Variants in PXDN observed in about 807,000 individuals in gnomAD.
The protein encoded by PXDN is peroxidasin homolog.
A neutral mutation model predicts 140.3 loss-of-function variants in PXDN; 77 were observed. The observed-to-expected ratio is 0.55, with a 90% CI of 0.46 to 0.66. The LOEUF (loss-of-function observed/expected upper bound fraction) is 0.66. Ranked by LOEUF, PXDN falls within the 30% of genes least tolerant of loss-of-function variation. The pLI is 0.00. For missense variants in PXDN, 1,838 were observed against 2,039.5 expected (o/e 0.90, Z 1.90); for synonymous variants, 911 against 857.4 (o/e 1.06, Z -1.09).
intron 1 of PXDN, among the ~76,000 whole-genome samples, chr2:1,742,126 T>C (rs1463951834): frequency 6.6e-6 from 1 of 152,252 alleles, no homozygotes; most frequent in Non-Finnish European, 1.5e-5. Flanking sequence ...GACTCCATTC[T>C]GGCCACCAGC....
Position 1,638,937 on chromosome 2 carries a change from G to T in PXDN, c.4115C>A (p.Ala1372Asp). ...QGEHLSNSTSAFSTRSDASGT... is the reference protein window; with the variant it reads ...QGEHLSNSTSDFSTRSDASGT... The stretch of plus-strand genomic sequence containing the variant: ...AGATGCATCTGAGCGTGTGCTGAAG[G>T]CTGAGGTGCTGTTGCTGAGATGTTC... Residue 1372 changes from alanine (A) to aspartate (D), a missense_variant, in exon 21 of 23, where the codon GCC becomes GAC. Physicochemically the swap from Ala to Asp is moderately radical, Grantham distance 126 (BLOSUM62 -2). Coordinates refer to ENST00000252804, the MANE Select transcript of PXDN (RefSeq NM_012293.3). 1 of 1,613,986 alleles carries T rather than the reference G, an allele frequency of 6.2e-7. No individual in the cohort carries two copies. Among genetic ancestry groups the T allele is most frequent in the East Asian group, 2.2e-5 (1 of 44,882 alleles).
intron 1 of PXDN, among the ~76,000 whole-genome samples, chr2:1,713,717 T>C (rs1014527908): frequency 6.6e-6 from 1 of 152,176 alleles, no homozygotes; most frequent in African/African-American, 2.4e-5. Context: ...CTCCGGAGCA[T>C]GGGGGCACAG....
At chr2:1,674,277 A>G (rs564045117) in intron 8 of PXDN, among the ~76,000 whole-genome samples, 5 of 151,420 alleles carry the variant, frequency 3.3e-5, no homozygotes, top group Non-Finnish European at 7.3e-5. Context: ...CGGTATAACC[A>G]TTGCTCACTG....
chr2:1,642,621 AT>A (rs1682754402), intron 19 of PXDN, among the ~76,000 whole-genome samples: 1 of 152,176 alleles, frequency 6.6e-6, no homozygotes, highest in African/African-American at 2.4e-5. Flanking sequence ...CCAGTTTGGT[AT>A]TTTATGGGGA....
intron 6 of PXDN, 114 bp from the exon 7 acceptor site, chr2:1,680,476 CTTGCG>C: frequency 3.1e-6 from 4 of 1,306,552 alleles, no homozygotes; most frequent in Non-Finnish European, 4.3e-6. Flanking sequence ...GCCTGCCAGG[CTTGCG>C]ACATGGGGAT....
Position 1,687,464 on chromosome 2 carries a change from A to C in PXDN, c.416+168T>G, listed in dbSNP as rs1409308383. Among the ~76,000 whole-genome samples the C allele has an allele frequency of 3.3e-5, 5 of 152,198 alleles. No homozygotes were observed. Among genetic ancestry groups the C allele is most frequent in the Non-Finnish European group, 7.3e-5 (5 of 68,036 alleles). ...CTGGGTGGAAGGCGGGGCGGAGGGC[A>C]AATGACTCGCCCATCCCTGTTTTTC... On this transcript the variant is annotated intron_variant, in intron 4 of 22. Transcript: ENST00000252804. This position sits in a 1 kb window ranked among gnomAD's most constrained non-coding sequence, Gnocchi z 4.0.
Position 1,639,254 on chromosome 2 carries a change from G to T in PXDN, c.4073+48C>A, listed in dbSNP as rs143217094. The T allele has an allele frequency of 6.3e-7, 1 of 1,580,576 alleles. No individual in the cohort carries two copies. The highest frequency in any genetic ancestry group is 8.6e-7 in the Non-Finnish European group (1 of 1,162,876). On this transcript the variant is annotated intron_variant, in intron 20 of 22. Coordinates refer to ENST00000252804, the MANE Select transcript of PXDN (RefSeq NM_012293.3). This position sits in a 1 kb window ranked among gnomAD's most constrained non-coding sequence, Gnocchi z 5.0. ...GCCGGTCCTACTGCCCGACGCCCGC[G>T]GTGCGAGGGCCCCTCTGCACATCAT...
intron 1 of PXDN, among the ~76,000 whole-genome samples, chr2:1,728,665 C>T (rs1007334649): frequency 1.9e-4 from 29 of 152,270 alleles, no homozygotes; most frequent in Non-Finnish European, 3.5e-4. Flanking sequence ...TAAAACGGCC[C>T]CAAAGCACAG....
intron 19 of PXDN, among the ~76,000 whole-genome samples, chr2:1,641,324 G>T (rs1367133267): frequency 6.6e-6 from 1 of 151,996 alleles, no homozygotes; most frequent in East Asian, 1.9e-4. Context: ...GCTAATTTTT[G>T]TATTTTTGTA....
intron 1 of PXDN, among the ~76,000 whole-genome samples, chr2:1,740,700 C>T (rs1291013321): frequency 1.3e-5 from 2 of 152,206 alleles, no homozygotes; most frequent in East Asian, 3.9e-4. Flanking sequence ...AGCCCCCTGA[C>T]TCTCTGGGGG....
rs548513750 is a variant in PXDN, at chr2:1,663,721, G to A, written c.1451C>T (p.Ser484Leu). 4.3e-6 allele frequency: 7 copies of A among 1,613,630 alleles called. 1 individual carries two copies. The highest frequency in any genetic ancestry group is 5.9e-6 in the Non-Finnish European group (7 of 1,179,892). The change falls in exon 12 of 23, where the codon TCG (serine) becomes TTG (leucine). Residue 484 changes from serine to leucine, a missense_variant. Transcript: ENST00000252804. ...SVDRRHLVLS[S>L]GTLRISGVAL... ...AACACCAGAGATTCTAAGTGTTCCC[G>A]ATGACAGGACCAGGTGCCGCCGGTC... is the stretch of plus-strand genomic sequence containing the variant.
At chr2:1,642,356 T>A (rs1273769851) in intron 19 of PXDN, among the ~76,000 whole-genome samples, 2 of 152,190 alleles carry the variant, frequency 1.3e-5, no homozygotes, top group Non-Finnish European at 2.9e-5. Flanking sequence ...TTAAATAAGC[T>A]CTTGGCCAGA....
At chr2:1,662,571 G>T (rs1026044211) in intron 12 of PXDN, among the ~76,000 whole-genome samples, 1 of 152,328 alleles carries the variant, frequency 6.6e-6, no homozygotes, top group Middle Eastern at 3.4e-3. Flanking sequence ...AACAAGCTCT[G>T]GGGAGAGCCC....
intron 1 of PXDN, among the ~76,000 whole-genome samples, chr2:1,716,259 G>A (rs1366495158): frequency 6.6e-6 from 1 of 152,020 alleles, no homozygotes; most frequent in Non-Finnish European, 1.5e-5. Context: ...CCAATATGGT[G>A]AAACCCCATC....
In PXDN at chr2:1,660,599, G is replaced by A. The variant is rs1488482636; in HGVS notation, c.1837+282C>T. Reference sequence around the variant, plus strand: ...TGACCCCGGAGCAAAGCTCTGCCCAGTGGATGGGCTGCAGGGTAAGACATT... The same window carrying A: ...TGACCCCGGAGCAAAGCTCTGCCCAATGGATGGGCTGCAGGGTAAGACATT... On this transcript the variant is annotated intron_variant, in intron 14 of 22. Coordinates refer to ENST00000252804, the MANE Select transcript of PXDN (RefSeq NM_012293.3). This position sits in a 1 kb window ranked among gnomAD's most constrained non-coding sequence, Gnocchi z 4.6. Among the ~76,000 whole-genome samples the A allele has an allele frequency of 6.6e-6, 1 of 152,228 alleles. No individual in the cohort carries two copies. Among genetic ancestry groups the A allele is most frequent in the Non-Finnish European group, 1.5e-5 (1 of 68,038 alleles).
Position 1,653,676 on chromosome 2 carries a change from T to C in PXDN, c.2056A>G (p.Ile686Val). ...GEIFERTLQL[I>V]QEHVQHGLMV... ...AAGCCATGCTGTACATGCTCCTGAATGAGCTGCAATGTCCGTTCAAAGATT... is the reference window on the plus strand; with the variant it reads ...AAGCCATGCTGTACATGCTCCTGAACGAGCTGCAATGTCCGTTCAAAGATT... Residue 686 changes from isoleucine to valine, a missense_variant, in exon 16 of 23, where the codon ATT becomes GTT. By Grantham distance (29) the Ile-to-Val change is conservative. Around this residue, in one of 5 missense-constraint regions of PXDN, gnomAD observed 537 missense variants for 583.9 expected, o/e 0.92. Transcript: ENST00000252804. 1.2e-6 allele frequency: 2 copies of C among 1,612,088 alleles called. No homozygotes were observed. The highest frequency in any genetic ancestry group is 1.7e-6 in the Non-Finnish European group (2 of 1,179,212).
Position 1,639,395 on chromosome 2 carries a change from G to C in PXDN, c.3980C>G (p.Ala1327Gly). The change falls in exon 20 of 23, where the codon GCC becomes GGC. Residue 1327 changes from alanine to glycine, a missense_variant. By Grantham distance (60) the Ala-to-Gly change is moderately conservative (BLOSUM62 0). This residue lies in a region of PXDN where 850 missense variants were observed against 894.1 expected (regional missense o/e 0.95). Coordinates refer to ENST00000252804, the MANE Select transcript of PXDN (RefSeq NM_012293.3). This position sits in a 1 kb window ranked among gnomAD's most constrained non-coding sequence, Gnocchi z 5.0. ...EDCRTRGQFN[A>G]FSYHFRGRRS... ...TCTGCCTCGGAAATGATAGGAAAAG[G>C]CATTGAACTGCCCCCTGGTCCTACA... The C allele has an allele frequency of 1.2e-6, 2 of 1,614,016 alleles. No individual in the cohort carries two copies. The highest frequency in any genetic ancestry group is 1.7e-6 in the Non-Finnish European group (2 of 1,179,876).
In PXDN at chr2:1,662,146, C is replaced by T; in HGVS notation, c.1606G>A (p.Val536Met). 6.3e-7 allele frequency: 1 copy of T among 1,595,248 alleles called. No homozygotes were observed. The highest frequency in any genetic ancestry group is 8.5e-7 in the Non-Finnish European group (1 of 1,170,904). Residue 536 changes from valine to methionine, a missense_variant, in exon 13 of 23, where the codon GTG (valine) becomes ATG (methionine). Coordinates refer to ENST00000252804, the MANE Select transcript of PXDN (RefSeq NM_012293.3). ...VFASIPSDTTVEVGANVQLPC... is the reference protein window; with the variant it reads ...VFASIPSDTTMEVGANVQLPC... ...AGCTGCACATTGGCGCCCACCTCCA[C>T]TGTTGTGTCGCTGGGAATGCTGGCA...
chr2:1,721,063 C>T (rs564810145), intron 1 of PXDN, among the ~76,000 whole-genome samples: 3 of 152,234 alleles, frequency 2.0e-5, no homozygotes, highest in Non-Finnish European at 4.4e-5. Flanking sequence ...AGAGGACAGT[C>T]GGCTCTACTC....
Sources: allele counts gnomAD v4.1 joint callset (sites outside exome capture counted in the v4.1 genomes callset), GRCh38; gene constraint gnomAD v4.1.1; regional missense constraint gnomAD v4.1.1; non-coding constraint Gnocchi (gnomAD v3.1); transcripts MANE v1.5; gene names NCBI Gene and HGNC (gene_info 2026-07-23, HGNC 2026-07-21).